The following MICAL2 variants were observed in gnomAD, a reference collection of about 807,000 sequenced individuals.
MICAL2 encodes the protein [F-actin]-monooxygenase MICAL2.
Under a neutral mutation model 127.3 loss-of-function variants are expected in MICAL2, and 77 were observed. The ratio of observed to expected loss-of-function variants is 0.60; its 90% CI spans 0.50 to 0.73. MICAL2 has a LOEUF of 0.73. Ranked by LOEUF, MICAL2 falls within the 30% of genes least tolerant of loss-of-function variation. MICAL2 has a pLI of 0.00. For missense variants in MICAL2, 1,351 were observed against 1,434.4 expected, an observed-to-expected ratio of 0.94 and a Z score of 0.94; for synonymous variants, 570 against 551.1, an observed-to-expected ratio of 1.03 and a Z score of -0.48.
intron 1 of MICAL2, among the ~76,000 whole-genome samples, chr11:12,127,430 G>A (rs1160483541): frequency 2.6e-5 from 4 of 152,234 alleles, no homozygotes; most frequent in Non-Finnish European, 5.9e-5. Context: ...TCCCAGAAGG[G>A]GAGAGGGACA....
At chr11:12,185,311 C>G (rs1858087520) in intron 3 of MICAL2, among the ~76,000 whole-genome samples, 1 of 152,018 alleles carries the variant, frequency 6.6e-6, no homozygotes, top group Non-Finnish European at 1.5e-5. Flanking sequence ...GCAGTAAGCA[C>G]TCAATAAGCA....
intron 15 of MICAL2, among the ~76,000 whole-genome samples, chr11:12,230,466 A>G (rs1224821981): frequency 2.0e-5 from 3 of 152,166 alleles, no homozygotes; most frequent in Non-Finnish European, 4.4e-5. Flanking sequence ...GAGTCTATAC[A>G]ATAGCCCTCC....
At chr11:12,140,556 G>A (rs1258551812) in intron 2 of MICAL2, among the ~76,000 whole-genome samples, 1 of 149,024 alleles carries the variant, frequency 6.7e-6, no homozygotes, top group Admixed American at 6.7e-5. Context: ...TGGCAGCAAA[G>A]AGAACACTAC....
intron 18 of MICAL2, 74 bp from the exon 19 acceptor site, chr11:12,242,139 TG>T: frequency 2.4e-6 from 3 of 1,265,492 alleles, no homozygotes; most frequent in Non-Finnish European, 2.2e-6. Flanking sequence ...CTGGTCTTCA[TG>T]GGGGATCCCT....
At chr11:12,261,316 A>G (rs1442793326) in intron 26 of MICAL2, 8 of 985,410 alleles carry the variant, frequency 8.1e-6, no homozygotes, top group African/African-American at 3.5e-5. Flanking sequence ...AAGCTCTACC[A>G]TATCTTGACT....
At chr11:12,131,924 A>G (rs931791619) in intron 1 of MICAL2, among the ~76,000 whole-genome samples, 1 of 152,212 alleles carries the variant, frequency 6.6e-6, no homozygotes, top group Non-Finnish European at 1.5e-5. Context: ...GTAAATGGCT[A>G]ACATATGGCA....
chr11:12,260,718 C>G (rs1862996145), intron 26 of MICAL2: 3 of 985,406 alleles, frequency 3.0e-6, no homozygotes, highest in Non-Finnish European at 3.6e-6. Context: ...AGTAGAAGGG[C>G]AGAATAGAAT....
At chr11:12,169,275 A>G (rs1221049094) in intron 3 of MICAL2, among the ~76,000 whole-genome samples, 3 of 152,300 alleles carry the variant, frequency 2.0e-5, no homozygotes, top group East Asian at 1.9e-4. Flanking sequence ...ACTGAAAAAT[A>G]TATCTTTGAG....
chr11:12,311,647 C>G (rs562897283), intron 29 of MICAL2, among the ~76,000 whole-genome samples: 164 of 152,344 alleles, frequency 1.1e-3, no homozygotes, highest in African/African-American at 3.8e-3. Context: ...TTGGCCTGAT[C>G]CACCTGCCTC....
In MICAL2 at chr11:12,242,382, C is replaced by G; in HGVS notation, c.2506C>G (p.Leu836Val). The change falls in exon 19 of 28, where the codon CTT becomes GTT. Residue 836 changes from leucine to valine, a missense_variant. Physicochemically the swap from Leu to Val is conservative, Grantham distance 32 (BLOSUM62 1). Coordinates refer to ENST00000683283, the MANE Select transcript of MICAL2 (RefSeq NM_001282663.2). ...LPSTRPRAQA[L>V]SGVLWRLQQV... ...TTCTACCCGCCCGAGGGCGCAGGCT[C>G]TTTCCGGGGTGCTGTGGCGGCTGCA... 1 of 1,613,486 alleles carries G rather than the reference C, an allele frequency of 6.2e-7. No homozygotes were observed. The highest frequency in any genetic ancestry group is 8.5e-7 in the Non-Finnish European group (1 of 1,179,538).
chr11:12,334,095 T>G (rs1024298589), intron 32 of MICAL2, among the ~76,000 whole-genome samples: 13 of 152,120 alleles, frequency 8.5e-5, no homozygotes, highest in African/African-American at 2.7e-4. Context: ...TGACCTCAAG[T>G]TGTTAGTCAA....
At chr11:12,262,326 A>G in intron 26 of MICAL2, 154 bp from the exon 27 acceptor site, 3 of 1,494,834 alleles carry the variant, frequency 2.0e-6, no homozygotes, top group Non-Finnish European at 2.7e-6. Flanking sequence ...CTAAGCAAAC[A>G]GCGACTCTTT....
chr11:12,353,019 T>C (rs1220198945), intron 33 of MICAL2, among the ~76,000 whole-genome samples: 1 of 152,188 alleles, frequency 6.6e-6, no homozygotes, highest in Non-Finnish European at 1.5e-5. Context: ...CAGAAAGTTC[T>C]CTTAAAGGAA....
Position 12,256,886 on chromosome 11 carries a change from C to G in MICAL2, c.3057C>G (p.Gly1019=), listed in dbSNP as rs562515662. The change falls in exon 24 of 28, where the codon GGC becomes GGG. Residue 1019 remains glycine (G), a synonymous_variant. Coordinates refer to ENST00000683283, the MANE Select transcript of MICAL2 (RefSeq NM_001282663.2). Reference sequence around the variant, plus strand: ...TGATGGAACGGCTGAGCGCCGAGGGCCACTTCTTCCACCGGGAGTGTTTCC... The same window carrying G: ...TGATGGAACGGCTGAGCGCCGAGGGGCACTTCTTCCACCGGGAGTGTTTCC... ...VYVMERLSAE[G]HFFHRECFRC... 1.9e-6 allele frequency: 3 copies of G among 1,614,080 alleles called. No individual in the cohort carries two copies. Among genetic ancestry groups the G allele is most frequent in the Non-Finnish European group, 8.5e-7 (1 of 1,180,042 alleles).
At chr11:12,229,642 A>G (rs1035115011) in intron 15 of MICAL2, among the ~76,000 whole-genome samples, 45 of 152,250 alleles carry the variant, frequency 3.0e-4, no homozygotes, top group African/African-American at 1.1e-3. Flanking sequence ...ACAGAGTGAC[A>G]GAATTGAAAC....
chr11:12,269,981 GC>G (rs1436675577), intron 24 of MICAL2, among the ~76,000 whole-genome samples: 1 of 152,226 alleles, frequency 6.6e-6, no homozygotes, highest in Non-Finnish European at 1.5e-5. Flanking sequence ...TCCCATGACT[GC>G]ACCCTGAGGG....
intron 33 of MICAL2, among the ~76,000 whole-genome samples, chr11:12,351,835 G>T (rs1413709852): frequency 6.6e-6 from 1 of 151,030 alleles, no homozygotes; most frequent in Non-Finnish European, 1.5e-5. Context: ...CTTTCACCCT[G>T]GCTGGAGTGC....
At chr11:12,180,327 A>ATATATATG (rs1215499104) in intron 3 of MICAL2, among the ~76,000 whole-genome samples, 2 of 81,458 alleles carry the variant, frequency 2.5e-5, no homozygotes, top group African/African-American at 8.4e-5. Context: ...TGCAGTGTTT[A>ATATATATG]TATACATGTA....
chr11:12,337,396 A>G (rs1478497986), intron 32 of MICAL2, among the ~76,000 whole-genome samples: 1 of 151,712 alleles, frequency 6.6e-6, no homozygotes, highest in Non-Finnish European at 1.5e-5. Flanking sequence ...GATCTTTTCA[A>G]AAAACCAGCT....
Sources: gnomAD v4.1 joint callset for allele counts (sites outside exome capture counted in the v4.1 genomes callset) on GRCh38, gnomAD v4.1.1 for gene constraint, MANE v1.5 for transcripts, NCBI Gene and HGNC (gene_info 2026-07-23, HGNC 2026-07-21) for gene names.